Variants in DCHS2 observed in about 807,000 individuals in gnomAD.
DCHS2 encodes the protein protocadherin-23.
A neutral mutation model predicts 182.4 loss-of-function variants in DCHS2; 142 were observed. The observed-to-expected ratio is 0.78, with a 90% CI of 0.68 to 0.89. The LOEUF is 0.89. Among genes scored for constraint, DCHS2 ranks in the 40% least tolerant of loss-of-function variants. The pLI is 0.00. For missense variants in DCHS2, 4,319 were observed against 4,198.6 expected (o/e 1.03, Z -0.79); for synonymous variants, 1,740 against 1,663.3 (o/e 1.05, Z -1.12).
intron 1 of DCHS2, among the ~76,000 whole-genome samples, chr4:154,487,797 A>G (rs555499319): frequency 6.6e-6 from 1 of 152,350 alleles, no homozygotes; most frequent in East Asian, 1.9e-4. Flanking sequence ...ATGCCCTGGT[A>G]AGCTCTTCAG....
At position 154,366,260 on chromosome 4, in the gene DCHS2, T is replaced by C; in HGVS notation, c.2426A>G (p.Glu809Gly). The C allele has an allele frequency of 4.3e-6, 7 of 1,613,686 alleles. No individual in the cohort carries two copies. Among genetic ancestry groups the C allele is most frequent in the Non-Finnish European group, 5.9e-6 (7 of 1,179,918 alleles). Residue 809 changes from glutamate to glycine, a missense_variant, in exon 3 of 20, where the codon GAG becomes GGG. By Grantham distance (98) the Glu-to-Gly change is moderately conservative (BLOSUM62 -2). Coordinates refer to ENST00000357232, the MANE Select transcript of DCHS2 (RefSeq NM_001358235.2). ...DSGIYGTVAY[E>G]LIPGNVSSLF... Reference sequence around the variant, plus strand: ...GGACGACACGTTTCCTGGAATAAGCTCATAAGCCACTGTCCCATATATCCC... The same window carrying C: ...GGACGACACGTTTCCTGGAATAAGCCCATAAGCCACTGTCCCATATATCCC...
intron 13 of DCHS2, among the ~76,000 whole-genome samples, chr4:154,287,795 T>C (rs1734473969): frequency 6.6e-6 from 1 of 152,168 alleles, no homozygotes; most frequent in African/African-American, 2.4e-5. Flanking sequence ...AGTGTAGTCT[T>C]TATTAGTTTT....
At chr4:154,251,342 T>C (rs1025764032) in intron 16 of DCHS2, among the ~76,000 whole-genome samples, 3 of 152,230 alleles carry the variant, frequency 2.0e-5, no homozygotes, top group African/African-American at 7.2e-5. Flanking sequence ...TACCATGTAC[T>C]AGCTTCGGAT....
intron 9 of DCHS2, among the ~76,000 whole-genome samples, chr4:154,317,510 A>G (rs1735905746): frequency 1.3e-5 from 2 of 152,242 alleles, no homozygotes; most frequent in Non-Finnish European, 2.9e-5. Context: ...CCAGACTATA[A>G]TCATGACTTC....
intron 13 of DCHS2, among the ~76,000 whole-genome samples, chr4:154,278,681 G>C (rs1475496083): frequency 6.6e-6 from 1 of 151,818 alleles, no homozygotes; most frequent in Admixed American, 6.6e-5. Context: ...ATAAGATTAA[G>C]TGGATTTCTC....
intron 12 of DCHS2, among the ~76,000 whole-genome samples, chr4:154,300,510 C>CAAAA (rs61371659): frequency 2.4e-4 from 26 of 108,102 alleles, no homozygotes; most frequent in East Asian, 1.6e-3. Context: ...CTCATCTCTA[C>CAAAA]AAAAAAAAAA....
rs577956093 is a variant in DCHS2 at position 154,356,753 on chromosome 4, G to A, written c.2476+9457C>T. Among the ~76,000 whole-genome samples, 9 of 152,216 alleles carry A rather than the reference G, an allele frequency of 5.9e-5. No individual in the cohort carries two copies. The South Asian group carries it at 1.7e-3, about 28-fold the overall frequency. The stretch of plus-strand genomic sequence containing the variant: ...ATAGCCTAGGTGTGTACTGGGCTAT[G>A]CCATCTAGATTTATGTAAGTACACT... On this transcript the variant is annotated intron_variant, in intron 3 of 19. Transcript: ENST00000357232.
chr4:154,418,726 A>G (rs2110909403), intron 1 of DCHS2, among the ~76,000 whole-genome samples: 1 of 152,338 alleles, frequency 6.6e-6, no homozygotes, highest in South Asian at 2.1e-4. Flanking sequence ...TAAAGGGAAA[A>G]TAAAAGTGAT....
intron 1 of DCHS2, among the ~76,000 whole-genome samples, chr4:154,450,984 G>A (rs1455489858): frequency 6.6e-6 from 1 of 152,176 alleles, no homozygotes; most frequent in Non-Finnish European, 1.5e-5. Context: ...TATGCCTGGT[G>A]ATCCTCTTTG....
chr4:154,419,650 C>CAAAAA (rs70947164), intron 1 of DCHS2, among the ~76,000 whole-genome samples: 24 of 44,890 alleles, frequency 5.3e-4, no homozygotes, highest in Non-Finnish European at 5.2e-4. Flanking sequence ...AACTCCATCT[C>CAAAAA]AAAAAAAAAA....
intron 3 of DCHS2, among the ~76,000 whole-genome samples, chr4:154,363,871 A>G (rs1397872719): frequency 6.6e-6 from 1 of 152,146 alleles, no homozygotes; most frequent in Admixed American, 6.6e-5. Flanking sequence ...TCAGAACTCA[A>G]CCATTCAACT....
chr4:154,249,910 G>A (rs1732269816), intron 16 of DCHS2, among the ~76,000 whole-genome samples: 2 of 148,708 alleles, frequency 1.3e-5, no homozygotes, highest in Middle Eastern at 3.5e-3. Context: ...GGGAGGGAGG[G>A]TGCATGGGTT....
intron 2 of DCHS2, among the ~76,000 whole-genome samples, chr4:154,368,768 G>A (rs1269143250): frequency 6.6e-6 from 1 of 152,110 alleles, no homozygotes; most frequent in Non-Finnish European, 1.5e-5. Context: ...CAAAGTTCTG[G>A]GATTACAGGC....
intron 2 of DCHS2, among the ~76,000 whole-genome samples, chr4:154,371,355 G>C (rs1417919822): frequency 6.6e-6 from 1 of 152,136 alleles, no homozygotes; most frequent in African/African-American, 2.4e-5. Flanking sequence ...GTCAGCTTGT[G>C]ATTGGTGGAC....
At chr4:154,242,980 C>G (rs949610002) in intron 16 of DCHS2, among the ~76,000 whole-genome samples, 2 of 151,948 alleles carry the variant, frequency 1.3e-5, no homozygotes, top group Admixed American at 6.6e-5. Context: ...TTCAGAGAAC[C>G]AAATCCAGCA....
At chr4:154,429,743 A>T (rs1733481289) in intron 1 of DCHS2, among the ~76,000 whole-genome samples, 1 of 151,838 alleles carries the variant, frequency 6.6e-6, no homozygotes, top group South Asian at 2.1e-4. Flanking sequence ...TAATTTCAAA[A>T]TTTCAAAACT....
At position 154,235,167 on chromosome 4, in the gene DCHS2, T is replaced by C. The variant is rs745784975; in HGVS notation, c.9485A>G (p.Gln3162Arg). The C allele has an allele frequency of 6.2e-7, 1 of 1,614,086 alleles. No homozygotes were observed. Among genetic ancestry groups the C allele is most frequent in the South Asian group, 1.1e-5 (1 of 91,082 alleles). ...CCCTTGATCTCCTTCCCCAAATGTTTGGCTGGCTTCTGCTGTTTCGGCAGT... is the reference window on the plus strand; with the variant it reads ...CCCTTGATCTCCTTCCCCAAATGTTCGGCTGGCTTCTGCTGTTTCGGCAGT... ...MVTAETAEAS[Q>R]TFGEGDQGEG... The change falls in exon 20 of 20, where the codon CAA becomes CGA. Residue 3162 changes from glutamine to arginine, a missense_variant. By Grantham distance (43) the Gln-to-Arg change is conservative. Transcript: ENST00000357232.
chr4:154,423,157 A>G (rs1340085158), intron 1 of DCHS2, among the ~76,000 whole-genome samples: 1 of 152,190 alleles, frequency 6.6e-6, no homozygotes, highest in African/African-American at 2.4e-5. Context: ...AGAAGTTTTC[A>G]TCACCTTGAA....
At chr4:154,370,321 G>A (rs890068460) in intron 2 of DCHS2, among the ~76,000 whole-genome samples, 1 of 152,098 alleles carries the variant, frequency 6.6e-6, no homozygotes, top group African/African-American at 2.4e-5. Context: ...TTATAGAAGA[G>A]GTAGAGAGGG....
Sources: gnomAD v4.1 joint callset for allele counts (sites outside exome capture counted in the v4.1 genomes callset) on GRCh38, gnomAD v4.1.1 for gene constraint, MANE v1.5 for transcripts, NCBI Gene and HGNC (gene_info 2026-07-23, HGNC 2026-07-21) for gene names.